Variants in ABCB5 observed in about 807,000 individuals in gnomAD.
The protein encoded by ABCB5 is ATP binding cassette subfamily B member 5, also known as ATP-binding cassette sub-family B member 5.
ABCB5 carries 155 observed loss-of-function variants against 144.2 expected under a neutral mutation model. That is an observed-to-expected ratio of 1.08 (90% CI 0.94 to 1.23). The LOEUF is 1.23. ABCB5 is among the 50% of genes most tolerant of loss of function. The probability of loss-of-function intolerance (pLI) is 0.00; values close to 1 mark genes in which losing one functional copy is unlikely to be tolerated. For missense variants in ABCB5, 1,830 were observed against 1,520.8 expected, an observed-to-expected ratio of 1.20 and a Z score of -3.38; for synonymous variants, 610 against 528.6, an observed-to-expected ratio of 1.15 and a Z score of -2.11.
intron 24 of ABCB5, among the ~76,000 whole-genome samples, chr7:20,741,722 C>G (rs1782566957): frequency 6.6e-6 from 1 of 152,110 alleles, no homozygotes; most frequent in South Asian, 2.1e-4. Context: ...ATGGGTCAAA[C>G]ATGACTAGTA....
chr7:20,640,712 C>T (rs1583385741), intron 5 of ABCB5, among the ~76,000 whole-genome samples: 1 of 152,026 alleles, frequency 6.6e-6, no homozygotes, highest in South Asian at 2.1e-4. Context: ...CCATAAATAA[C>T]CATGAAAACA....
intron 26 of ABCB5, among the ~76,000 whole-genome samples, chr7:20,748,378 A>G (rs976634091): frequency 2.2e-5 from 3 of 138,940 alleles, no homozygotes; most frequent in Admixed American, 7.1e-5. Context: ...CTGAAGGTGT[A>G]GTGGCTCACA....
At chr7:20,709,032 A>C (rs1201022064) in intron 20 of ABCB5, among the ~76,000 whole-genome samples, 2 of 152,226 alleles carry the variant, frequency 1.3e-5, no homozygotes, top group Admixed American at 1.3e-4. Flanking sequence ...AACATATGTC[A>C]ACTCATCAAG....
At chr7:20,741,575 T>C (rs1489184556) in intron 24 of ABCB5, among the ~76,000 whole-genome samples, 1 of 152,160 alleles carries the variant, frequency 6.6e-6, no homozygotes. Flanking sequence ...CCAGATTTTT[T>C]TTTTCTATTT....
chr7:20,706,542 G>A (rs1465831439), intron 20 of ABCB5, among the ~76,000 whole-genome samples: 2 of 152,158 alleles, frequency 1.3e-5, no homozygotes, highest in Non-Finnish European at 2.9e-5. Flanking sequence ...ATAAGCACCT[G>A]ACTAATATCA....
At chr7:20,623,364 T>C (rs1458771454) in intron 2 of ABCB5, 26 bp downstream of exon 2, 1 of 1,517,910 alleles carries the variant, frequency 6.6e-7, no homozygotes, top group Non-Finnish European at 9.0e-7. Context: ...GTTCTGTAAG[T>C]ATGCTTCCAC....
intron 14 of ABCB5, among the ~76,000 whole-genome samples, chr7:20,665,768 G>GATAGATAGATAGATAGATAGAGATAC (rs1562549609): frequency 1.6e-5 from 2 of 125,432 alleles, no homozygotes; most frequent in South Asian, 2.8e-4. Flanking sequence ...GATAGATAGA[G>GATAGATAGATAGATAGATAGAGATAC]ATACATACAT....
chr7:20,689,081 C>T (rs972685813), intron 16 of ABCB5, among the ~76,000 whole-genome samples: 16 of 151,932 alleles, frequency 1.1e-4, no homozygotes, highest in African/African-American at 1.9e-4. Flanking sequence ...CAAACCTGCA[C>T]GTTGTGCACA....
chr7:20,731,381 T>TAC (rs1782216312), intron 23 of ABCB5, among the ~76,000 whole-genome samples: 1 of 145,932 alleles, frequency 6.9e-6, no homozygotes, highest in Non-Finnish European at 1.5e-5. Flanking sequence ...TATATATATA[T>TAC]ATATACATAT....
intron 15 of ABCB5, among the ~76,000 whole-genome samples, chr7:20,683,692 T>C (rs900471958): frequency 2.6e-5 from 4 of 152,186 alleles, no homozygotes; most frequent in Admixed American, 6.5e-5. Context: ...CAATCAGATA[T>C]AACAACACCG....
At chr7:20,689,014 G>A (rs1161906102) in intron 16 of ABCB5, among the ~76,000 whole-genome samples, 1 of 151,978 alleles carries the variant, frequency 6.6e-6, no homozygotes, top group African/African-American at 2.4e-5. Flanking sequence ...TATACCTAAG[G>A]TAAATGACGA....
chr7:20,629,749 C>T (rs886544652), intron 4 of ABCB5, among the ~76,000 whole-genome samples: 5 of 150,964 alleles, frequency 3.3e-5, no homozygotes, highest in South Asian at 2.1e-4. Flanking sequence ...GCAACAAGAG[C>T]GAAACTCCAT....
intron 20 of ABCB5, among the ~76,000 whole-genome samples, chr7:20,713,302 C>G (rs1357375448): frequency 6.7e-6 from 1 of 148,948 alleles, no homozygotes; most frequent in Non-Finnish European, 1.5e-5. Context: ...GGCATGAACA[C>G]AGTTCACTGT....
At chr7:20,743,965 C>T (rs531086410) in intron 25 of ABCB5, among the ~76,000 whole-genome samples, 8 of 152,214 alleles carry the variant, frequency 5.3e-5, no homozygotes, top group South Asian at 2.1e-4. Flanking sequence ...TCCTTCATGC[C>T]CTGGCCCCTG....
intron 19 of ABCB5, among the ~76,000 whole-genome samples, chr7:20,702,129 T>C (rs1280776775): frequency 6.6e-6 from 1 of 152,226 alleles, no homozygotes; most frequent in East Asian, 1.9e-4. Flanking sequence ...GTGATTACTT[T>C]AGATTCTTCC....
At chr7:20,755,375 G>A in intron 27 of ABCB5, 52 bp from the exon 28 acceptor site, 2 of 1,557,904 alleles carry the variant, frequency 1.3e-6, no homozygotes, top group African/African-American at 1.4e-5. Flanking sequence ...ACTTAGGTAA[G>A]TTTACTAACA....
intron 14 of ABCB5, among the ~76,000 whole-genome samples, chr7:20,669,480 G>T (rs1377281368): frequency 3.9e-4 from 51 of 129,660 alleles, no homozygotes; most frequent in Non-Finnish European, 7.4e-4. Context: ...GGGTTAAATG[G>T]ATTAAGGGCG....
chr7:20,664,361 T>C (rs1223029321), intron 14 of ABCB5, among the ~76,000 whole-genome samples: 1 of 152,248 alleles, frequency 6.6e-6, no homozygotes, highest in South Asian at 2.1e-4. Flanking sequence ...ATTTTTATAC[T>C]ATTGTATAAA....
At chr7:20,656,191 T>C (rs1210805422) in intron 13 of ABCB5, among the ~76,000 whole-genome samples, 2 of 152,070 alleles carry the variant, frequency 1.3e-5, no homozygotes, top group African/African-American at 2.4e-5. Flanking sequence ...AAATTAAAAC[T>C]TACGAAAAAA....
Sources: allele counts gnomAD v4.1 joint callset (sites outside exome capture counted in the v4.1 genomes callset), GRCh38; gene constraint gnomAD v4.1.1; transcripts MANE v1.5; gene names NCBI Gene and HGNC (gene_info 2026-07-23, HGNC 2026-07-21).